The following MTMR14 variants were observed in gnomAD, a reference collection of about 807,000 sequenced individuals.
MTMR14 encodes the protein phosphatidylinositol-3,5-bisphosphate 3-phosphatase MTMR14.
A neutral mutation model predicts 86.3 loss-of-function variants in MTMR14; 48 were observed. The ratio of observed to expected loss-of-function variants is 0.56; its 90% confidence interval spans 0.44 to 0.71. The LOEUF (loss-of-function observed/expected upper bound fraction) is 0.71. Ranked by LOEUF, MTMR14 falls within the 30% of genes least tolerant of loss-of-function variation. The pLI is 0.00. For synonymous variants in MTMR14, 366 were observed against 326.1 expected, an observed-to-expected ratio of 1.12 and a Z score of -1.32; for missense variants, 780 against 834.6, an observed-to-expected ratio of 0.93 and a Z score of 0.81.
In MTMR14 at chr3:9,702,087, C is replaced by A. The variant is rs1210519559; in HGVS notation, c.*114C>A. ...CAGGTCAGGGGAAATTTCAGTCCCCCATCTCCATCATGAACATGGCAGCCC... is the reference window on the plus strand; with the variant it reads ...CAGGTCAGGGGAAATTTCAGTCCCCAATCTCCATCATGAACATGGCAGCCC... On this transcript the variant is annotated 3_prime_UTR_variant, in exon 19 of 19. Transcript: ENST00000296003. 2 of 1,331,174 alleles carry A rather than the reference C, an allele frequency of 1.5e-6. No individual in the cohort carries two copies. The highest frequency in any genetic ancestry group is 2.4e-5 in the East Asian group (1 of 42,260). The allele number at this position is 1,331,174 out of a possible 1,614,324, so 82.5% of individuals were successfully genotyped here.
At chr3:9,669,093 T>C (rs1191499607) in intron 4 of MTMR14, among the ~76,000 whole-genome samples, 1 of 146,918 alleles carries the variant, frequency 6.8e-6, no homozygotes, top group African/African-American at 2.5e-5. Context: ...TGAGCCGAGA[T>C]CACGCCACTG....
chr3:9,658,306 G>A (rs1043455175), intron 2 of MTMR14, among the ~76,000 whole-genome samples: 1 of 152,226 alleles, frequency 6.6e-6, no homozygotes, highest in Non-Finnish European at 1.5e-5. Context: ...TTTAAGCAAT[G>A]TTTTGGTCCT....
Position 9,671,278 on chromosome 3 carries a change from T to A in MTMR14, c.677+108T>A, listed in dbSNP as rs1225012881. 5 of 1,453,572 alleles carry A rather than the reference T, an allele frequency of 3.4e-6. No homozygotes were observed. In the South Asian group the frequency reaches 4.7e-5, roughly 14 times the overall value. 90.0% of individuals were successfully genotyped at this position (1,453,572 alleles called of 1,614,324 possible). On this transcript the variant is annotated intron_variant, in intron 6 of 18. Coordinates refer to ENST00000296003, the MANE Select transcript of MTMR14 (RefSeq NM_001077525.3). ...GCGTGCTGGCCTTCTTACAAAGGGC[T>A]TTCTGTACATTATCTCACTGTATCT...
chr3:9,683,046 C>CA (rs2075822639), intron 9 of MTMR14, 132 bp from the exon 10 acceptor site: 1 of 687,156 alleles, frequency 1.5e-6, no homozygotes, highest in Non-Finnish European at 2.4e-6. Context: ...ATCTGGGATT[C>CA]AAAACCTATG....
chr3:9,664,044 C>T (rs978730488), intron 3 of MTMR14, among the ~76,000 whole-genome samples: 2 of 151,762 alleles, frequency 1.3e-5, no homozygotes, highest in Non-Finnish European at 1.5e-5. Context: ...CCGCCTCAGC[C>T]TCCCAAAGTG....
chr3:9,660,159 CAT>C (rs950312927), intron 2 of MTMR14, among the ~76,000 whole-genome samples: 1 of 152,090 alleles, frequency 6.6e-6, no homozygotes, highest in African/African-American at 2.4e-5. Context: ...CTTTTGATTT[CAT>C]AGAGAAACTG....
chr3:9,694,162 C>G (rs1220268868), intron 17 of MTMR14, among the ~76,000 whole-genome samples: 1 of 152,134 alleles, frequency 6.6e-6, no homozygotes, highest in African/African-American at 2.4e-5. Flanking sequence ...AGTCACCCAC[C>G]CCTTATCAGG....
rs1329477148 is a variant in MTMR14, at chr3:9,688,676, G to C, written c.1236-20G>C. 3 of 1,614,054 alleles carry C rather than the reference G, an allele frequency of 1.9e-6. No homozygotes were observed. The highest frequency in any genetic ancestry group is 1.7e-5 in the Admixed American group (1 of 60,010). On this transcript the variant is annotated intron_variant, in intron 14 of 18. Coordinates refer to ENST00000296003, the MANE Select transcript of MTMR14 (RefSeq NM_001077525.3). ...ACCCCAGATAGATCTGGAATTTACT[G>C]CTCCGGCTTCCATTTCTAGGAGGAA... is the stretch of plus-strand genomic sequence containing the variant.
intron 1 of MTMR14, among the ~76,000 whole-genome samples, chr3:9,651,344 C>T (rs2047276855): frequency 6.6e-6 from 1 of 152,070 alleles, no homozygotes; most frequent in African/African-American, 2.4e-5. Context: ...CTCAAGCAAT[C>T]CTCCCACCTC....
At chr3:9,662,582 C>G (rs1467518611) in intron 3 of MTMR14, among the ~76,000 whole-genome samples, 2 of 152,118 alleles carry the variant, frequency 1.3e-5, no homozygotes, top group African/African-American at 2.4e-5. Context: ...CCAGCATACC[C>G]CACCCCGTGT....
intron 2 of MTMR14, among the ~76,000 whole-genome samples, chr3:9,660,556 T>C (rs1378837237): frequency 2.0e-5 from 3 of 152,160 alleles, no homozygotes; most frequent in Non-Finnish European, 2.9e-5. Context: ...CCACCACGCC[T>C]GGCCCCTAGA....
At chr3:9,671,791 G>T (rs2048578696) in intron 6 of MTMR14, among the ~76,000 whole-genome samples, 1 of 152,234 alleles carries the variant, frequency 6.6e-6, no homozygotes, top group South Asian at 2.1e-4. Flanking sequence ...GCCTGGGTTA[G>T]TGATGAGACT....
chr3:9,672,856 C>A, intron 7 of MTMR14, 98 bp downstream of exon 7: 1 of 1,143,338 alleles, frequency 8.7e-7, no homozygotes, highest in Non-Finnish European at 1.3e-6. Flanking sequence ...GCCCTGGGAG[C>A]TTTCCTGGAG....
At chr3:9,687,916 T>G in intron 14 of MTMR14, 25 bp downstream of exon 14, 1 of 1,572,588 alleles carries the variant, frequency 6.4e-7, no homozygotes, top group Non-Finnish European at 8.7e-7. Flanking sequence ...GCACGTGTCA[T>G]GCTGGGCCAG....
chr3:9,670,135 A>G (rs2048488863), intron 5 of MTMR14, among the ~76,000 whole-genome samples: 1 of 152,258 alleles, frequency 6.6e-6, no homozygotes, highest in African/African-American at 2.4e-5. Context: ...TCTGTACCAC[A>G]TGGAAAGTCT....
In MTMR14 at chr3:9,683,442, T is replaced by C. The variant is rs2075836258; in HGVS notation, c.964+198T>C. On this transcript the variant is annotated intron_variant, in intron 10 of 18. Coordinates refer to ENST00000296003, the MANE Select transcript of MTMR14 (RefSeq NM_001077525.3). ...GCTTTATTCCATGTCCTCAAAATCC[T>C]AGAAAACAAAATTAAGAACTCCTTA... The C allele has an allele frequency of 1.3e-5, 8 of 600,578 alleles. 1 individual carries two copies. In the South Asian group the frequency reaches 1.6e-4, roughly 12 times the overall value. The allele number at this position is 600,578 out of a possible 1,614,324, so 37.2% of individuals were successfully genotyped here. A position where few individuals can be genotyped will look rare whatever the true frequency, so the allele number is the denominator to read the frequency against.
intron 1 of MTMR14, among the ~76,000 whole-genome samples, chr3:9,651,168 C>T (rs1266466162): frequency 6.6e-6 from 1 of 152,082 alleles, no homozygotes; most frequent in African/African-American, 2.4e-5. Context: ...GTGGTGCAAC[C>T]ATGACTTACT....
chr3:9,693,412 A>C (rs2076193674), intron 17 of MTMR14, among the ~76,000 whole-genome samples: 1 of 152,254 alleles, frequency 6.6e-6, no homozygotes, highest in Non-Finnish European at 1.5e-5. Context: ...CATGCAGTTG[A>C]AATCTGGGTA....
intron 1 of MTMR14, among the ~76,000 whole-genome samples, chr3:9,649,957 A>G (rs930151220): frequency 6.6e-6 from 1 of 152,130 alleles, no homozygotes; most frequent in East Asian, 1.9e-4. Context: ...GAGCCCAGCA[A>G]AGAGGTCCTT....
Sources: allele counts gnomAD v4.1 joint callset (sites outside exome capture counted in the v4.1 genomes callset), GRCh38; gene constraint gnomAD v4.1.1; transcripts MANE v1.5; gene names NCBI Gene and HGNC (gene_info 2026-07-23, HGNC 2026-07-21).